Variants in PRKCA observed in about 807,000 individuals in gnomAD.
PRKCA encodes the protein protein kinase C alpha type.
In PRKCA, 27 loss-of-function variants were observed where a neutral mutation model predicts 87.0. The ratio of observed to expected loss-of-function variants is 0.31; its 90% CI spans 0.23 to 0.43. The LOEUF is 0.43. Ranked by LOEUF, PRKCA falls within the 20% of genes least tolerant of loss-of-function variation. The pLI is 1.00. For missense variants in PRKCA, 518 were observed against 852.3 expected (o/e 0.61, Z 4.88); for synonymous variants, 329 against 311.1 (o/e 1.06, Z -0.61).
At chr17:66,630,735 A>G (rs959975696) in intron 3 of PRKCA, among the ~76,000 whole-genome samples, 9 of 152,184 alleles carry the variant, frequency 5.9e-5, no homozygotes, top group African/African-American at 2.2e-4. Flanking sequence ...TACATCTACA[A>G]GGTGGACGGT....
intron 14 of PRKCA, among the ~76,000 whole-genome samples, chr17:66,779,171 A>ACAGGGTTTTGGTCTAAGTTTGTCCTCTTT (rs1215601141): frequency 1.3e-5 from 2 of 152,220 alleles, no homozygotes; most frequent in Admixed American, 6.5e-5. Context: ...AAAGTCGTTG[A>ACAGGGTTTTGGTCTAAGTTTGTCCTCTTT]CAGGGTTTTG....
At chr17:66,319,334 A>G (rs1905513654) in intron 2 of PRKCA, among the ~76,000 whole-genome samples, 2 of 152,346 alleles carry the variant, frequency 1.3e-5, no homozygotes, top group Non-Finnish European at 2.9e-5. Context: ...AATAGAAAGC[A>G]TTTGTGATTT....
At chr17:66,351,220 T>C (rs1339310179) in intron 2 of PRKCA, among the ~76,000 whole-genome samples, 1 of 152,184 alleles carries the variant, frequency 6.6e-6, no homozygotes, top group Non-Finnish European at 1.5e-5. Flanking sequence ...AGGAAAACCA[T>C]GAAGTGTTAG....
chr17:66,709,438 G>C (rs57749595), intron 8 of PRKCA, among the ~76,000 whole-genome samples: 23,197 of 148,426 alleles, frequency 0.16, 1,901 homozygotes, highest in East Asian at 0.28. Context: ...AGCCTCCCAA[G>C]TAGCTGGGAC....
At chr17:66,332,688 G>T (rs1906411246) in intron 2 of PRKCA, among the ~76,000 whole-genome samples, 1 of 134,798 alleles carries the variant, frequency 7.4e-6, no homozygotes, top group Non-Finnish European at 1.6e-5. Flanking sequence ...TGATTATTTT[G>T]TTTTTAATTT....
At chr17:66,375,919 A>G (rs1909391425) in intron 2 of PRKCA, among the ~76,000 whole-genome samples, 1 of 152,160 alleles carries the variant, frequency 6.6e-6, no homozygotes, top group African/African-American at 2.4e-5. Flanking sequence ...GCTTGCTAAC[A>G]TGCTGAGCTG....
intron 13 of PRKCA, among the ~76,000 whole-genome samples, chr17:66,756,192 A>G (rs889811307): frequency 6.6e-6 from 1 of 152,186 alleles, no homozygotes; most frequent in African/African-American, 2.4e-5. Flanking sequence ...ACCATTGTGA[A>G]ATATGCCAGA....
chr17:66,683,518 G>A (rs2144015711), intron 5 of PRKCA, among the ~76,000 whole-genome samples: 1 of 152,264 alleles, frequency 6.6e-6, no homozygotes, highest in South Asian at 2.1e-4. Flanking sequence ...AAACATCCCA[G>A]GTGTTTCCAG....
At chr17:66,312,725 G>A (rs1905140748) in intron 2 of PRKCA, among the ~76,000 whole-genome samples, 1 of 140,576 alleles carries the variant, frequency 7.1e-6, no homozygotes, top group Non-Finnish European at 1.5e-5. Context: ...TCTTCCTATC[G>A]TAGGACCTTT....
intron 3 of PRKCA, among the ~76,000 whole-genome samples, chr17:66,620,339 A>T (rs2143689422): frequency 6.6e-6 from 1 of 152,292 alleles, no homozygotes; most frequent in South Asian, 2.1e-4. Flanking sequence ...AGGGAGTAGG[A>T]TTGCCTCTGG....
At chr17:66,743,113 A>G (rs766251000) in intron 13 of PRKCA, among the ~76,000 whole-genome samples, 2 of 152,144 alleles carry the variant, frequency 1.3e-5, no homozygotes, top group Non-Finnish European at 2.9e-5. Context: ...GGTGGATCAT[A>G]AGGTCAGGAG....
intron 3 of PRKCA, among the ~76,000 whole-genome samples, chr17:66,627,806 T>TC (rs542594426): frequency 4.1e-4 from 62 of 151,132 alleles, no homozygotes; most frequent in African/African-American, 7.5e-4. Context: ...AAATTCAGTA[T>TC]CCCCCCCCAA....
chr17:66,458,770 C>A (rs1053784353), intron 2 of PRKCA, among the ~76,000 whole-genome samples: 1 of 152,154 alleles, frequency 6.6e-6, no homozygotes, highest in African/African-American at 2.4e-5. Flanking sequence ...CGTGAGCCAC[C>A]GTGCCCTGCC....
chr17:66,677,837 A>G (rs1972378915), intron 5 of PRKCA, among the ~76,000 whole-genome samples: 1 of 152,226 alleles, frequency 6.6e-6, no homozygotes, highest in Non-Finnish European at 1.5e-5. Flanking sequence ...TAATTCAGAT[A>G]TAACTCACAG....
intron 2 of PRKCA, among the ~76,000 whole-genome samples, chr17:66,320,193 G>A (rs1371951895): frequency 6.6e-6 from 1 of 152,138 alleles, no homozygotes; most frequent in Non-Finnish European, 1.5e-5. Flanking sequence ...ATTTATACCT[G>A]TAGAACTGGC....
chr17:66,694,767 TAAA>T (rs746908582), intron 8 of PRKCA, among the ~76,000 whole-genome samples: 1,729 of 117,460 alleles, frequency 0.015, 39 homozygotes, highest in African/African-American at 0.048. Flanking sequence ...TTCCAATGGT[TAAA>T]AAAAAAAAAA....
chr17:66,644,492 G>T (rs1361442967), intron 4 of PRKCA, among the ~76,000 whole-genome samples: 2 of 152,030 alleles, frequency 1.3e-5, no homozygotes, highest in Admixed American at 1.3e-4. Context: ...CGGCACACAG[G>T]ATTCTTTTCA....
intron 3 of PRKCA, among the ~76,000 whole-genome samples, chr17:66,561,554 C>G (rs1329221839): frequency 6.6e-6 from 1 of 152,172 alleles, no homozygotes; most frequent in Non-Finnish European, 1.5e-5. Flanking sequence ...CCAGCAATTA[C>G]ACTTCTGGAT....
At chr17:66,328,918 T>G (rs996842232) in intron 2 of PRKCA, among the ~76,000 whole-genome samples, 35 of 152,196 alleles carry the variant, frequency 2.3e-4, no homozygotes, top group Admixed American at 2.3e-3. Flanking sequence ...CTTAGTCCAT[T>G]TAATCCGTGT....
Sources: gnomAD v4.1 joint callset for allele counts (sites outside exome capture counted in the v4.1 genomes callset) on GRCh38, gnomAD v4.1.1 for gene constraint, MANE v1.5 for transcripts, NCBI Gene and HGNC (gene_info 2026-07-23, HGNC 2026-07-21) for gene names.